The following CYP4V2 variants were observed in gnomAD, a reference collection of about 807,000 sequenced individuals.
The protein encoded by CYP4V2 is cytochrome P450 family 4 subfamily V member 2.
CYP4V2 carries 55 observed loss-of-function variants against 60.8 expected under a neutral mutation model. The ratio of observed to expected loss-of-function variants is 0.90; its 90% confidence interval spans 0.73 to 1.13. The LOEUF (loss-of-function observed/expected upper bound fraction) is 1.13, where lower values mean the gene tolerates loss of function less well. Among genes scored for constraint, CYP4V2 ranks in the 50% most tolerant of loss-of-function variants. The pLI is 0.00. For synonymous variants in CYP4V2, 239 were observed against 236.8 expected (o/e 1.01, Z -0.08); for missense variants, 675 against 662.9 (o/e 1.02, Z -0.20).
intron 6 of CYP4V2, among the ~76,000 whole-genome samples, chr4:186,199,906 A>C (rs1003045557): frequency 5.3e-5 from 8 of 152,198 alleles, no homozygotes; most frequent in Non-Finnish European, 1.2e-4. Context: ...GTTAAAATCT[A>C]TTGGAGTTAT....
At chr4:186,205,433 A>G in intron 8 of CYP4V2, 131 bp downstream of exon 8, 1 of 916,554 alleles carries the variant, frequency 1.1e-6, no homozygotes, top group Non-Finnish European at 1.8e-6. Context: ...TCCCCTTTGC[A>G]AGGCCTCGTC....
At chr4:186,202,827 CA>C (rs1192503532) in intron 7 of CYP4V2, 1 of 152,082 alleles carries the variant, frequency 6.6e-6, no homozygotes, top group Non-Finnish European at 1.5e-5. Context: ...TATACACACA[CA>C]CCCAGATACT....
chr4:186,193,828 CGCTG>C (rs150446980), intron 1 of CYP4V2, among the ~76,000 whole-genome samples: 31 of 152,316 alleles, frequency 2.0e-4, no homozygotes, highest in African/African-American at 7.5e-4. Flanking sequence ...AATGTCCAAA[CGCTG>C]GCCTCAGCCA....
intron 7 of CYP4V2, chr4:186,204,857 G>A (rs556825803): frequency 1.1e-5 from 4 of 380,544 alleles, no homozygotes; most frequent in African/African-American, 8.3e-5. Flanking sequence ...GAGAAGTACA[G>A]CCCTGACAAG....
chr4:186,207,428 AAG>A (rs1736552499), intron 8 of CYP4V2, among the ~76,000 whole-genome samples: 2 of 146,694 alleles, frequency 1.4e-5, no homozygotes, highest in Admixed American at 6.8e-5. Context: ...AAAAAAAAGA[AAG>A]AAAGAAAGAA....
intron 1 of CYP4V2, among the ~76,000 whole-genome samples, chr4:186,194,291 G>A (rs1033453025): frequency 2.0e-5 from 3 of 152,184 alleles, no homozygotes; most frequent in Non-Finnish European, 4.4e-5. Context: ...TTTATTTGCT[G>A]TGGCAAATAC....
At chr4:186,198,311 G>A (rs964066113) in intron 5 of CYP4V2, among the ~76,000 whole-genome samples, 6 of 152,148 alleles carry the variant, frequency 3.9e-5, no homozygotes, top group African/African-American at 9.7e-5. Context: ...GGCAGGCAAC[G>A]GACAAAGAAA....
At chr4:186,199,412 C>G (rs941252464) in intron 6 of CYP4V2, among the ~76,000 whole-genome samples, 1 of 152,204 alleles carries the variant, frequency 6.6e-6, no homozygotes, top group Non-Finnish European at 1.5e-5. Context: ...TCGCTAAGTG[C>G]TAACCACCAT....
In CYP4V2 at chr4:186,208,968, T is replaced by C; in HGVS notation, c.1194T>C (p.Phe398=). The C allele has an allele frequency of 6.2e-7, 1 of 1,614,214 alleles. No homozygotes were observed. The highest frequency in any genetic ancestry group is 1.3e-5 in the African/African-American group (1 of 75,058). ...GCCTTTTTCCTTCTGTTCCTTTATT[T>C]GCCCGTAGTGTTAGTGAAGATTGTG... ...TLRLFPSVPL[F]ARSVSEDCEV... The change falls in exon 9 of 11, where the codon TTT becomes TTC. Residue 398 remains phenylalanine (F), a synonymous_variant. Coordinates refer to ENST00000378802, the MANE Select transcript of CYP4V2 (RefSeq NM_207352.4).
Position 186,191,575 on chromosome 4 carries a change from C to G in CYP4V2, c.-249C>G. The G allele has an allele frequency of 6.5e-6, 2 of 306,798 alleles. No individual in the cohort carries two copies. Among genetic ancestry groups the G allele is most frequent in the Non-Finnish European group, 1.2e-5 (2 of 169,928 alleles). 19.0% of individuals were successfully genotyped at this position (306,798 alleles called of 1,614,324 possible). Reference sequence around the variant, plus strand: ...GCCCGGAAACCGTTTTCCGGTCTTTCGCTTTCGGCTGGGGCGTGGAGGCCG... The same window carrying G: ...GCCCGGAAACCGTTTTCCGGTCTTTGGCTTTCGGCTGGGGCGTGGAGGCCG... On this transcript the variant is annotated 5_prime_UTR_variant, in exon 1 of 11. Coordinates refer to ENST00000378802, the MANE Select transcript of CYP4V2 (RefSeq NM_207352.4).
rs184600205 is a variant in CYP4V2 at position 186,212,065 on chromosome 4, G to C, written c.*1424G>C. ...TTATGCTCCTTTATATTATAAGTAA[G>C]GGAATAGAATCAATAAGACAGTTTC... On this transcript the variant is annotated 3_prime_UTR_variant, in exon 11 of 11. Transcript: ENST00000378802. The C allele has an allele frequency of 6.6e-6, 1 of 152,194 alleles. No individual in the cohort carries two copies. The highest frequency in any genetic ancestry group is 1.5e-5 in the Non-Finnish European group (1 of 68,012). The allele number at this position is 152,194 out of a possible 1,614,324, so 9.4% of individuals were successfully genotyped here.
intron 5 of CYP4V2, among the ~76,000 whole-genome samples, chr4:186,198,662 CAG>C (rs1736223713): frequency 6.6e-6 from 1 of 152,186 alleles, no homozygotes; most frequent in South Asian, 2.1e-4. Context: ...AGGTCCTAGG[CAG>C]AGTGGGAAAC....
Position 186,205,317 on chromosome 4 carries a change from T to G in CYP4V2, c.1090+15T>G, listed in dbSNP as rs2126595634. ...TGACGTGTTTGGTATGTTTGGCCCC[T>G]TCACTGGTTATATTGTGGTACTAAG... On this transcript the variant is annotated intron_variant, in intron 8 of 10. Transcript: ENST00000378802. The G allele has an allele frequency of 6.2e-7, 1 of 1,608,068 alleles. No homozygotes were observed. Among genetic ancestry groups the G allele is most frequent in the African/African-American group, 1.3e-5 (1 of 74,826 alleles).
chr4:186,205,469 C>G (rs1013132615), intron 8 of CYP4V2, among the ~76,000 whole-genome samples, 167 bp downstream of exon 8: 1 of 152,210 alleles, frequency 6.6e-6, no homozygotes, highest in Non-Finnish European at 1.5e-5. Context: ...CTCTGCCAGT[C>G]GCCTGGCAAG....
intron 6 of CYP4V2, among the ~76,000 whole-genome samples, chr4:186,200,397 T>A (rs1274755599): frequency 6.6e-6 from 1 of 152,228 alleles, no homozygotes; most frequent in Non-Finnish European, 1.5e-5. Flanking sequence ...AGCAGTGCTC[T>A]AGAGGTTGGA....
At chr4:186,198,653 G>C (rs1397845344) in intron 5 of CYP4V2, among the ~76,000 whole-genome samples, 2 of 152,162 alleles carry the variant, frequency 1.3e-5, no homozygotes, top group East Asian at 1.9e-4. Context: ...CTGGTGCAGA[G>C]GTCCTAGGCA....
In CYP4V2 at chr4:186,212,670, C is replaced by T. The variant is rs1051444657; in HGVS notation, c.*2029C>T. On this transcript the variant is annotated 3_prime_UTR_variant, in exon 11 of 11. Transcript: ENST00000378802. Reference sequence around the variant, plus strand: ...ACCTTAGAACTTATCTGTTATGCTCCTGATAGCCAATAGCAGATAGAAGCT... The same window carrying T: ...ACCTTAGAACTTATCTGTTATGCTCTTGATAGCCAATAGCAGATAGAAGCT... The T allele has an allele frequency of 6.6e-6, 1 of 152,208 alleles. No individual in the cohort carries two copies. The highest frequency in any genetic ancestry group is 1.5e-5 in the Non-Finnish European group (1 of 68,044). 9.4% of individuals were successfully genotyped at this position (152,208 alleles called of 1,614,324 possible).
intron 6 of CYP4V2, 121 bp from the exon 7 acceptor site, chr4:186,201,036 A>C: frequency 9.7e-7 from 1 of 1,026,712 alleles, no homozygotes; most frequent in Non-Finnish European, 1.4e-6. Flanking sequence ...ATGTTGTCGA[A>C]ATGTTGAAAT....
In CYP4V2 at chr4:186,197,217, G is replaced by A; in HGVS notation, c.604+87G>A. 12 of 1,483,736 alleles carry A rather than the reference G, an allele frequency of 8.1e-6. 1 individual carries two copies. The South Asian group carries it at 1.1e-4, about 14-fold the overall frequency. 91.9% of individuals were successfully genotyped at this position (1,483,736 alleles called of 1,614,324 possible). A position where few individuals can be genotyped will look rare whatever the true frequency, so the allele number is the denominator to read the frequency against. ...ATCACACTCCACCGGGAAGGCAAAT[G>A]GGGGGACGGGAAAGGGTGACGGGCT... On this transcript the variant is annotated intron_variant, in intron 4 of 10. Coordinates refer to ENST00000378802, the MANE Select transcript of CYP4V2 (RefSeq NM_207352.4).
Sources: gnomAD v4.1 joint callset for allele counts (sites outside exome capture counted in the v4.1 genomes callset) on GRCh38, gnomAD v4.1.1 for gene constraint, MANE v1.5 for transcripts, NCBI Gene and HGNC (gene_info 2026-07-23, HGNC 2026-07-21) for gene names.